THSD4: variants seen among roughly 807,000 people sequenced by gnomAD.
THSD4 encodes the protein thrombospondin type-1 domain-containing protein 4.
In THSD4, 69 loss-of-function variants were observed where a neutral mutation model predicts 119.0. The ratio of observed to expected loss-of-function variants is 0.58; its 90% CI spans 0.48 to 0.71. THSD4 has a LOEUF of 0.71. Ranked by LOEUF, THSD4 falls within the 30% of genes least tolerant of loss-of-function variation. The pLI, the probability that THSD4 is intolerant of heterozygous loss-of-function variation, is 0.00. For synonymous variants in THSD4, 524 were observed against 540.4 expected, an observed-to-expected ratio of 0.97 and a Z score of 0.42; for missense variants, 1,393 against 1,391.1, an observed-to-expected ratio of 1.00 and a Z score of -0.02.
intron 6 of THSD4, among the ~76,000 whole-genome samples, chr15:71,372,959 C>T (rs1019413789): frequency 6.6e-5 from 10 of 152,372 alleles, no homozygotes; most frequent in African/African-American, 2.4e-4. Context: ...TGTTTACCTA[C>T]TCAAGCCTCA....
At chr15:71,127,682 T>C (rs2040467018) in intron 1 of THSD4, among the ~76,000 whole-genome samples, 1 of 152,244 alleles carries the variant, frequency 6.6e-6, no homozygotes, top group East Asian at 1.9e-4. Context: ...TGAGGATCTT[T>C]TTATATACCT....
intron 7 of THSD4, among the ~76,000 whole-genome samples, chr15:71,551,747 A>G (rs533425643): frequency 6.6e-6 from 1 of 152,310 alleles, no homozygotes; most frequent in South Asian, 2.1e-4. Flanking sequence ...GAAGCTTGTT[A>G]GAGGCCTAGA....
chr15:71,567,594 A>ACC (rs1434449898), intron 7 of THSD4, among the ~76,000 whole-genome samples: 1 of 107,764 alleles, frequency 9.3e-6, no homozygotes, highest in Non-Finnish European at 2.0e-5. Flanking sequence ...AAGAACAAAG[A>ACC]CACCCCCCCA....
intron 17 of THSD4, among the ~76,000 whole-genome samples, chr15:71,772,821 A>T (rs2053845396): frequency 6.6e-6 from 1 of 152,180 alleles, no homozygotes; most frequent in Admixed American, 6.5e-5. Context: ...TTGTATTGAG[A>T]CCACACTGAA....
intron 8 of THSD4, among the ~76,000 whole-genome samples, chr15:71,692,386 A>G (rs2052072852): frequency 6.6e-6 from 1 of 152,228 alleles, no homozygotes; most frequent in Admixed American, 6.5e-5. Context: ...TTAGATGCCA[A>G]GGTGATTTAG....
At chr15:71,320,725 C>A (rs1035448607) in intron 6 of THSD4, among the ~76,000 whole-genome samples, 3 of 152,168 alleles carry the variant, frequency 2.0e-5, no homozygotes, top group Non-Finnish European at 4.4e-5. Flanking sequence ...TTTAGTGGAA[C>A]CAAGAAACCG....
In THSD4 at chr15:71,428,531, C is replaced by T. The variant is rs577026031; in HGVS notation, c.1152+16708C>T. Reference sequence around the variant, plus strand: ...TGAGTGAAGATGTGAAGGAAACATTCGTCACCTGAACACCATATTTGGACA... The same window carrying T: ...TGAGTGAAGATGTGAAGGAAACATTTGTCACCTGAACACCATATTTGGACA... On this transcript the variant is annotated intron_variant, in intron 7 of 17. Coordinates refer to ENST00000261862, the MANE Select transcript of THSD4 (RefSeq NM_024817.3). Among the ~76,000 whole-genome samples the T allele has an allele frequency of 5.9e-5, 9 of 152,280 alleles. No individual in the cohort carries two copies. The South Asian group carries it at 6.2e-4, about 11-fold the overall frequency.
intron 7 of THSD4, among the ~76,000 whole-genome samples, chr15:71,459,170 T>C (rs1415317256): frequency 1.1e-4 from 17 of 148,118 alleles, no homozygotes; most frequent in Admixed American, 1.1e-3. Context: ...CTTTTTTTTT[T>C]TTTTTTTTGA....
chr15:71,365,619 C>T (rs376317835), intron 6 of THSD4, among the ~76,000 whole-genome samples: 1 of 152,134 alleles, frequency 6.6e-6, no homozygotes, highest in East Asian at 1.9e-4. Flanking sequence ...CTTGGGAGGC[C>T]TTATGGTATG....
intron 6 of THSD4, among the ~76,000 whole-genome samples, chr15:71,317,553 G>A (rs2045206435): frequency 6.6e-6 from 1 of 152,172 alleles, no homozygotes. Context: ...CCATGATTCA[G>A]GTAACTTTCA....
chr15:71,516,274 A>T (rs1555422475), intron 7 of THSD4, among the ~76,000 whole-genome samples: 1 of 152,110 alleles, frequency 6.6e-6, no homozygotes, highest in Non-Finnish European at 1.5e-5. Flanking sequence ...TACTCTACAC[A>T]ATGTCCCCAG....
chr15:71,135,240 G>A (rs62016786), intron 1 of THSD4, among the ~76,000 whole-genome samples: 8 of 114,822 alleles, frequency 7.0e-5, no homozygotes, highest in South Asian at 3.5e-4. Flanking sequence ...GGGGGGAGGG[G>A]TAGCATTGGG....
chr15:71,309,583 C>T (rs1331536974), intron 6 of THSD4, among the ~76,000 whole-genome samples: 1 of 152,128 alleles, frequency 6.6e-6, no homozygotes, highest in Admixed American at 6.5e-5. Context: ...AGTCTGAGGC[C>T]ATAACGATTT....
At chr15:71,630,305 G>A (rs2050600711) in intron 7 of THSD4, among the ~76,000 whole-genome samples, 1 of 152,160 alleles carries the variant, frequency 6.6e-6, no homozygotes, top group Non-Finnish European at 1.5e-5. Context: ...GCTCTGCTCT[G>A]TCTCGTCACG....
intron 8 of THSD4, among the ~76,000 whole-genome samples, chr15:71,705,788 A>G (rs2052381901): frequency 6.6e-6 from 1 of 152,258 alleles, no homozygotes; most frequent in Admixed American, 6.5e-5. Context: ...AGCGCAAGAC[A>G]TGAACTCTTC....
At chr15:71,759,348 A>G (rs147388931) in intron 15 of THSD4, among the ~76,000 whole-genome samples, 6 of 152,292 alleles carry the variant, frequency 3.9e-5, no homozygotes, top group African/African-American at 1.2e-4. Context: ...TTGACTTCTC[A>G]TGAGTTTTCT....
chr15:71,738,107 A>G, intron 11 of THSD4, 100 bp downstream of exon 11: 2 of 1,474,836 alleles, frequency 1.4e-6, no homozygotes, highest in Non-Finnish European at 1.8e-6. Flanking sequence ...GGCACCAGGG[A>G]CTGGTTTCGT....
intron 14 of THSD4, among the ~76,000 whole-genome samples, chr15:71,749,585 C>A (rs1169744783): frequency 6.6e-6 from 1 of 152,140 alleles, no homozygotes; most frequent in Non-Finnish European, 1.5e-5. Flanking sequence ...CGTGCGTACA[C>A]GTTACCTGTG....
At chr15:71,625,955 A>G (rs2050501289) in intron 7 of THSD4, among the ~76,000 whole-genome samples, 1 of 152,166 alleles carries the variant, frequency 6.6e-6, no homozygotes, top group Non-Finnish European at 1.5e-5. Context: ...TAAATCAAAT[A>G]TGGTTTTGTC....
Sources: gnomAD v4.1 joint callset for allele counts (sites outside exome capture counted in the v4.1 genomes callset) on GRCh38, gnomAD v4.1.1 for gene constraint, MANE v1.5 for transcripts, NCBI Gene and HGNC (gene_info 2026-07-23, HGNC 2026-07-21) for gene names.